Variants in GLOD4 observed in about 807,000 individuals in gnomAD.
GLOD4 encodes the protein glyoxalase domain-containing protein 4.
GLOD4 carries 44 observed loss-of-function variants against 39.1 expected under a neutral mutation model. The observed-to-expected ratio is 1.13, with a 90% CI of 0.88 to 1.45. GLOD4 has a LOEUF of 1.45. Among genes scored for constraint, GLOD4 ranks in the 40% most tolerant of loss-of-function variants. GLOD4 has a pLI of 0.00. For missense variants in GLOD4, 405 were observed against 366.4 expected (o/e 1.11, Z -0.86); for synonymous variants, 145 against 135.0 (o/e 1.07, Z -0.52).
intron 8 of GLOD4, among the ~76,000 whole-genome samples, chr17:766,542 G>C (rs1178995334): frequency 2.0e-5 from 3 of 152,004 alleles, no homozygotes; most frequent in Non-Finnish European, 4.4e-5. Flanking sequence ...GTTGCAGTGA[G>C]CCAAGATTAT....
At chr17:769,239 G>C (rs971214787) in intron 8 of GLOD4, among the ~76,000 whole-genome samples, 8 of 149,824 alleles carry the variant, frequency 5.3e-5, no homozygotes, top group Admixed American at 5.3e-4. Flanking sequence ...TCTCCACGGG[G>C]AGAGCTGAGG....
intron 8 of GLOD4, among the ~76,000 whole-genome samples, chr17:768,833 TG>T (rs1194235070): frequency 2.9e-4 from 40 of 138,132 alleles, no homozygotes; most frequent in African/African-American, 1.1e-3. Context: ...GGAGAGGACG[TG>T]AGAGAGAGAA....
chr17:764,756 C>G (rs1185476927), intron 8 of GLOD4: 3 of 151,532 alleles, frequency 2.0e-5, no homozygotes, highest in African/African-American at 7.2e-5. Flanking sequence ...CACCTGTAAT[C>G]CCAGCCCTTT....
chr17:760,572 G>A (rs1356557685), intron 8 of GLOD4, among the ~76,000 whole-genome samples: 2 of 152,332 alleles, frequency 1.3e-5, no homozygotes, highest in Admixed American at 6.5e-5. Context: ...CCGCATGCCA[G>A]GCGGTAGGAT....
At chr17:783,916 G>A (rs770101447), upstream of GLOD4, among the ~76,000 whole-genome samples, 2 of 152,040 alleles carry the variant, frequency 1.3e-5, no homozygotes, top group Non-Finnish European at 2.9e-5. Flanking sequence ...TTAAGAAAGC[G>A]TTTACTGAAA....
intron 8 of GLOD4, among the ~76,000 whole-genome samples, 160 bp from the exon 9 acceptor site, chr17:760,398 T>A (rs1049539214): frequency 8.6e-5 from 13 of 151,762 alleles, no homozygotes; most frequent in South Asian, 2.1e-4. Context: ...ATAAAAAAAA[T>A]TTTTTAACAT....
intron 8 of GLOD4, among the ~76,000 whole-genome samples, chr17:761,854 A>G (rs1905498063): frequency 1.3e-5 from 2 of 152,202 alleles, no homozygotes; most frequent in African/African-American, 4.8e-5. Flanking sequence ...GAGGAGAGGG[A>G]AAAAACCCTT....
chr17:783,528 G>A (rs551745754), upstream of GLOD4: 25 of 424,378 alleles, frequency 5.9e-5, no homozygotes, highest in African/African-American at 4.9e-4. Flanking sequence ...GTAGAGGTGG[G>A]GTTTCACCAT....
rs567400465 is a variant in GLOD4 at position 775,934 on chromosome 17, A to G, written c.262-15T>C. 5.1e-5 allele frequency: 81 copies of G among 1,603,256 alleles called. No individual in the cohort carries two copies. In the South Asian group the frequency reaches 8.5e-4, roughly 17 times the overall value. The stretch of plus-strand genomic sequence containing the variant: ...AGCGTGATTCCCTACAACAAACAAC[A>G]GTACATCCAAGTACATGATCACAAC... On this transcript the variant is annotated splice_polypyrimidine_tract_variant and intron_variant, in intron 3 of 8. Transcript: ENST00000301329.
chr17:774,041 T>C (rs1908460542), intron 4 of GLOD4, among the ~76,000 whole-genome samples: 1 of 152,106 alleles, frequency 6.6e-6, no homozygotes, highest in Admixed American at 6.6e-5. Flanking sequence ...TCACTAAGGC[T>C]GGAGAGAAAA....
At chr17:784,877 A>T (rs769971734), upstream of GLOD4, among the ~76,000 whole-genome samples, 23 of 152,178 alleles carry the variant, frequency 1.5e-4, no homozygotes, top group Admixed American at 1.0e-3. Context: ...AGGCTCTCTC[A>T]CAGCACACAG....
chr17:764,795 T>G (rs1306157181), intron 8 of GLOD4: 1 of 142,470 alleles, frequency 7.0e-6, no homozygotes, highest in Non-Finnish European at 1.5e-5. Flanking sequence ...GATCACAAGG[T>G]CAGGAGATCG....
Position 761,988 on chromosome 17 carries a change from A to G in GLOD4, c.832-1750T>C, listed in dbSNP as rs1905529416. ...AAGGTCAGAGGGTAGAGAATGTCCA[A>G]AAATGTCACATGCTCTGTCAGAGAG... On this transcript the variant is annotated intron_variant, in intron 8 of 8. Coordinates refer to ENST00000301329, the MANE Select transcript of GLOD4 (RefSeq NM_016080.4). 2.6e-5 allele frequency among the ~76,000 whole-genome samples: 4 copies of G among 152,210 alleles called. No individual in the cohort carries two copies. The South Asian group carries it at 8.3e-4, about 32-fold the overall frequency.
chr17:766,230 G>A lies in GLOD4; in HGVS notation c.831+3639C>T, dbSNP rs550544852. Among the ~76,000 whole-genome samples, 14 of 151,004 alleles carry A rather than the reference G, an allele frequency of 9.3e-5. No homozygotes were observed. In the East Asian group the frequency reaches 2.2e-3, roughly 23 times the overall value. On this transcript the variant is annotated intron_variant, in intron 8 of 8. Transcript: ENST00000301329. ...GGAGGATCACTGGAACATAGGAGGC[G>A]GAGGTTGCAGTGAGCTGAGATCATG...
At chr17:779,213 G>A (rs1219979261) in intron 1 of GLOD4, among the ~76,000 whole-genome samples, 1 of 150,762 alleles carries the variant, frequency 6.6e-6, no homozygotes, top group Non-Finnish European at 1.5e-5. Flanking sequence ...TACTCAGGAG[G>A]TTGAGGCAGG....
chr17:769,807 A>G (rs778011488), intron 8 of GLOD4, 62 bp downstream of exon 8: 175 of 987,384 alleles, frequency 1.8e-4, no homozygotes, highest in Non-Finnish European at 2.7e-4. Context: ...GTCTCCTCCC[A>G]CACACACTTA....
At chr17:777,676 T>C (rs149203680) in intron 2 of GLOD4, 2 of 152,396 alleles carry the variant, frequency 1.3e-5, no homozygotes, top group African/African-American at 4.8e-5. Context: ...CGCTGCTTCA[T>C]CTAGAGCATG....
At chr17:778,455 G>A (rs1909319447) in intron 2 of GLOD4, 2 of 590,294 alleles carry the variant, frequency 3.4e-6, no homozygotes, top group Non-Finnish European at 3.0e-6. Flanking sequence ...GCAGAGAAAT[G>A]TGTTCCCGAC....
At position 777,014 on chromosome 17, in the gene GLOD4, A is replaced by G. The variant is rs377754311; in HGVS notation, c.141-26T>C. ...CTAGAAAATAAAAGTAAATGAACTC[A>G]GTGACTACAGACAAGTCAGCCTCAG... On this transcript the variant is annotated intron_variant, in intron 2 of 8. Transcript: ENST00000301329. The G allele has an allele frequency of 8.1e-6, 13 of 1,609,550 alleles. No homozygotes were observed. The African/African-American group carries it at 1.6e-4, about 20-fold the overall frequency.
Sources: gnomAD v4.1 joint callset for allele counts (sites outside exome capture counted in the v4.1 genomes callset) on GRCh38, gnomAD v4.1.1 for gene constraint, MANE v1.5 for transcripts, NCBI Gene and HGNC (gene_info 2026-07-23, HGNC 2026-07-21) for gene names.